METTL15: variants seen among roughly 807,000 people sequenced by gnomAD.
The protein encoded by METTL15 is 12S rRNA N(4)-cytidine methyltransferase METTL15.
A neutral mutation model predicts 38.3 loss-of-function variants in METTL15; 34 were observed. The ratio of observed to expected loss-of-function variants is 0.89; its 90% CI spans 0.68 to 1.18. The LOEUF (loss-of-function observed/expected upper bound fraction) is 1.18, where lower values mean the gene tolerates loss of function less well. Among genes scored for constraint, METTL15 ranks in the 50% most tolerant of loss-of-function variants. The pLI is 0.00. For missense variants in METTL15, 438 were observed against 498.4 expected (o/e 0.88, Z 1.15); for synonymous variants, 162 against 170.9 (o/e 0.95, Z 0.41).
intron 4 of METTL15, among the ~76,000 whole-genome samples, chr11:28,250,927 G>A (rs1398089034): frequency 6.6e-6 from 1 of 151,934 alleles, no homozygotes. Context: ...GTGGCTGGGG[G>A]TGTAAGAGAA....
chr11:28,393,513 A>G (rs1239304000), intron 5 of METTL15, among the ~76,000 whole-genome samples: 1 of 152,112 alleles, frequency 6.6e-6, no homozygotes, highest in Non-Finnish European at 1.5e-5. Flanking sequence ...ATTTGAAGAC[A>G]GCTGGCTGGA....
intron 6 of METTL15, among the ~76,000 whole-genome samples, chr11:28,474,673 G>T (rs764086948): frequency 1.3e-5 from 2 of 152,166 alleles, no homozygotes; most frequent in African/African-American, 4.8e-5. Flanking sequence ...AAAGAAGAGC[G>T]GATGGTGCAA....
At chr11:28,254,252 A>G (rs1854875759) in intron 4 of METTL15, among the ~76,000 whole-genome samples, 1 of 152,134 alleles carries the variant, frequency 6.6e-6, no homozygotes, top group East Asian at 1.9e-4. Context: ...ATCTTTTTAT[A>G]TACCTGTTTG....
chr11:28,225,121 T>C (rs1483085422), intron 4 of METTL15, among the ~76,000 whole-genome samples: 1 of 151,888 alleles, frequency 6.6e-6, no homozygotes, highest in African/African-American at 2.4e-5. Context: ...TTTTTTCTTC[T>C]GCTATCTTAC....
At chr11:28,334,207 T>C (rs1341217712), downstream of METTL15, among the ~76,000 whole-genome samples, 1 of 152,078 alleles carries the variant, frequency 6.6e-6, no homozygotes, top group Non-Finnish European at 1.5e-5. Flanking sequence ...TCTTCTCTGT[T>C]CACATTGGTA....
At chr11:28,351,044 G>A (rs1482112373) in intron 3 of METTL15, among the ~76,000 whole-genome samples, 1 of 152,160 alleles carries the variant, frequency 6.6e-6, no homozygotes, top group Non-Finnish European at 1.5e-5. Flanking sequence ...TAGGGCAATA[G>A]CAGCAGGGTC....
At chr11:28,292,971 G>C (rs1462228606) in intron 5 of METTL15, among the ~76,000 whole-genome samples, 2 of 152,262 alleles carry the variant, frequency 1.3e-5, no homozygotes, top group African/African-American at 4.8e-5. Context: ...TGTCAGATGA[G>C]TAGGTTGCAA....
intron 4 of METTL15, among the ~76,000 whole-genome samples, chr11:28,279,076 C>T (rs1469362522): frequency 6.6e-6 from 1 of 152,202 alleles, no homozygotes; most frequent in Non-Finnish European, 1.5e-5. Context: ...ATGCTTCTGC[C>T]TCGGCCTCCC....
intron 6 of METTL15, among the ~76,000 whole-genome samples, chr11:28,435,134 C>T (rs1045636827): frequency 1.3e-5 from 2 of 152,186 alleles, no homozygotes; most frequent in African/African-American, 2.4e-5. Context: ...TGCTTGACCA[C>T]GTGAAATACA....
At chr11:28,370,690 C>T (rs989243600) in intron 5 of METTL15, among the ~76,000 whole-genome samples, 10 of 151,872 alleles carry the variant, frequency 6.6e-5, no homozygotes, top group Non-Finnish European at 1.3e-4. Context: ...CTAGGGTTTC[C>T]TTTTCTCCAC....
chr11:28,226,375 T>G (rs1853478004), intron 4 of METTL15, among the ~76,000 whole-genome samples: 1 of 151,992 alleles, frequency 6.6e-6, no homozygotes, highest in African/African-American at 2.4e-5. Flanking sequence ...CAGAAAAGAT[T>G]AAACAAACAA....
chr11:28,410,226 A>G (rs1214392135), intron 5 of METTL15, among the ~76,000 whole-genome samples: 1 of 152,196 alleles, frequency 6.6e-6, no homozygotes, highest in Non-Finnish European at 1.5e-5. Flanking sequence ...AATTCTTTCA[A>G]AAAATAGAGC....
At chr11:28,507,675 T>G (rs369692260) in intron 6 of METTL15, among the ~76,000 whole-genome samples, 6 of 152,200 alleles carry the variant, frequency 3.9e-5, no homozygotes, top group East Asian at 1.9e-4. Flanking sequence ...GGGACCCTAA[T>G]TTTTTCAGAT....
At chr11:28,484,436 C>T (rs1228031958) in intron 6 of METTL15, among the ~76,000 whole-genome samples, 1 of 152,164 alleles carries the variant, frequency 6.6e-6, no homozygotes, top group Non-Finnish European at 1.5e-5. Flanking sequence ...AAGAAATGCT[C>T]CAGTGGATGC....
At chr11:28,224,764 G>A (rs923335641) in intron 4 of METTL15, among the ~76,000 whole-genome samples, 18 of 151,664 alleles carry the variant, frequency 1.2e-4, no homozygotes, top group South Asian at 2.1e-4. Flanking sequence ...TATCTGATGC[G>A]TTTTGCATAA....
At chr11:28,408,537 T>TA (rs753583126) in intron 5 of METTL15, among the ~76,000 whole-genome samples, 54 of 152,160 alleles carry the variant, frequency 3.5e-4, no homozygotes, top group African/African-American at 1.0e-3. Flanking sequence ...GTATTAATTG[T>TA]AAAAAAATAG....
intron 6 of METTL15, among the ~76,000 whole-genome samples, chr11:28,448,755 T>C (rs183444751): frequency 6.6e-6 from 1 of 152,262 alleles, no homozygotes; most frequent in African/African-American, 2.4e-5. Context: ...AAGTGCATAT[T>C]TGCATTTGAC....
chr11:28,446,252 T>C (rs1273876525), intron 6 of METTL15, among the ~76,000 whole-genome samples: 5 of 152,056 alleles, frequency 3.3e-5, no homozygotes, highest in Non-Finnish European at 4.4e-5. Context: ...ACCAAGGCCA[T>C]CTGCTTGGAC....
chr11:28,272,985 A>T (rs1388154078), intron 4 of METTL15, among the ~76,000 whole-genome samples: 1 of 152,174 alleles, frequency 6.6e-6, no homozygotes, highest in Non-Finnish European at 1.5e-5. Flanking sequence ...ACTAATAGAA[A>T]ATTCTCTAAG....
Sources: gnomAD v4.1 joint callset for allele counts (sites outside exome capture counted in the v4.1 genomes callset) on GRCh38, gnomAD v4.1.1 for gene constraint, MANE v1.5 for transcripts, NCBI Gene and HGNC (gene_info 2026-07-23, HGNC 2026-07-21) for gene names.